The following RASAL2 variants were observed in gnomAD, a reference collection of about 807,000 sequenced individuals.
The protein encoded by RASAL2 is ras GTPase-activating protein nGAP.
A neutral mutation model predicts 128.9 loss-of-function variants in RASAL2; 58 were observed. That is an observed-to-expected ratio of 0.45 (90% CI 0.36 to 0.56). The LOEUF is 0.56. Among genes scored for constraint, RASAL2 ranks in the 20% least tolerant of loss-of-function variants. The probability of loss-of-function intolerance (pLI) is 0.00; values close to 1 mark genes in which losing one functional copy is unlikely to be tolerated. For missense variants in RASAL2, 1,360 were observed against 1,601.6 expected (o/e 0.85, Z 2.57); for synonymous variants, 561 against 580.8 (o/e 0.97, Z 0.49).
At chr1:178,110,015 C>T (rs1403360569) in intron 1 of RASAL2, among the ~76,000 whole-genome samples, 2 of 152,124 alleles carry the variant, frequency 1.3e-5, no homozygotes, top group Admixed American at 6.6e-5. Context: ...GAGACACCAT[C>T]TCTAAAGCAA....
intron 1 of RASAL2, among the ~76,000 whole-genome samples, chr1:178,175,857 G>A (rs1303514124): frequency 6.6e-6 from 1 of 152,108 alleles, no homozygotes; most frequent in African/African-American, 2.4e-5. Flanking sequence ...TTTCATCCAA[G>A]TTGTTGCAAA....
intron 3 of RASAL2, among the ~76,000 whole-genome samples, chr1:178,333,303 AG>A (rs1469304286): frequency 6.6e-6 from 1 of 152,234 alleles, no homozygotes; most frequent in East Asian, 1.9e-4. Context: ...CTGGGATTAC[AG>A]GCGTAAGCCA....
chr1:178,469,619 G>A (rs1220515218), intron 17 of RASAL2, among the ~76,000 whole-genome samples: 1 of 152,166 alleles, frequency 6.6e-6, no homozygotes, highest in East Asian at 1.9e-4. Flanking sequence ...TCAGACTGGT[G>A]GTCTGCTAAG....
At chr1:178,182,041 C>A (rs1166651924) in intron 1 of RASAL2, among the ~76,000 whole-genome samples, 2 of 152,116 alleles carry the variant, frequency 1.3e-5, no homozygotes, top group Admixed American at 6.5e-5. Context: ...TTATATTCCA[C>A]CTCCTTGAGG....
At chr1:178,098,118 CTA>C (rs1477060347) in intron 1 of RASAL2, among the ~76,000 whole-genome samples, 1 of 152,150 alleles carries the variant, frequency 6.6e-6, no homozygotes, top group Non-Finnish European at 1.5e-5. Flanking sequence ...CTTGTCAAGA[CTA>C]TAAAATTTTT....
intron 1 of RASAL2, among the ~76,000 whole-genome samples, chr1:178,223,605 T>C (rs1241793203): frequency 1.3e-5 from 2 of 152,154 alleles, no homozygotes; most frequent in African/African-American, 4.8e-5. Context: ...TGGGAAACCA[T>C]TGAATAGTTC....
In RASAL2 at chr1:178,283,636, G is replaced by C; in HGVS notation, c.275G>C (p.Arg92Pro). 1 of 1,613,842 alleles carries C rather than the reference G, an allele frequency of 6.2e-7. No individual in the cohort carries two copies. The change falls in exon 2 of 18, where the codon CGG becomes CCG. Residue 92 changes from arginine to proline, a missense_variant. This residue lies in a region of RASAL2 where 617 missense variants were observed against 714.2 expected (regional missense o/e 0.86). Transcript: ENST00000367649. ...TACACCGAGACAACAACGTGGGAGC[G>C]GAAGTATTGCATCCTCACAGACAGC... ...SPYTETTTWERKYCILTDSQL... is the reference protein window; with the variant it reads ...SPYTETTTWEPKYCILTDSQL...
At chr1:178,175,170 A>G (rs754604608) in intron 1 of RASAL2, among the ~76,000 whole-genome samples, 3 of 152,162 alleles carry the variant, frequency 2.0e-5, no homozygotes, top group Admixed American at 6.6e-5. Flanking sequence ...TTTCATTGCC[A>G]TGATTTTGAC....
At chr1:178,325,752 T>C (rs141384826) in intron 3 of RASAL2, among the ~76,000 whole-genome samples, 10 of 152,170 alleles carry the variant, frequency 6.6e-5, no homozygotes, top group African/African-American at 2.2e-4. Flanking sequence ...ACTGATACAG[T>C]ATAGAGTTAC....
At position 178,288,959 on chromosome 1, in the gene RASAL2, C is replaced by T. The variant is rs372750440; in HGVS notation, c.330+5268C>T. On this transcript the variant is annotated intron_variant, in intron 2 of 17. Transcript: ENST00000367649. ...AGCCACTGAGCCCAGCTTTTTTTCT[C>T]ATCTGAAAAAAACAAAGCCTGTATT... Among the ~76,000 whole-genome samples, 5 of 151,896 alleles carry T rather than the reference C, an allele frequency of 3.3e-5. No homozygotes were observed. In the South Asian group the frequency reaches 1.0e-3, roughly 32 times the overall value.
intron 4 of RASAL2, among the ~76,000 whole-genome samples, chr1:178,390,532 T>C (rs1381724142): frequency 6.6e-6 from 1 of 151,836 alleles, no homozygotes; most frequent in Non-Finnish European, 1.5e-5. Flanking sequence ...GCGCATACCA[T>C]CATGCCTGGC....
chr1:178,424,112 T>C (rs1446730163), intron 5 of RASAL2, among the ~76,000 whole-genome samples: 1 of 152,172 alleles, frequency 6.6e-6, no homozygotes, highest in African/African-American at 2.4e-5. Flanking sequence ...ACTCTGCAAA[T>C]TACTTTATTT....
chr1:178,323,790 C>T (rs1668902575), intron 3 of RASAL2, among the ~76,000 whole-genome samples: 1 of 151,886 alleles, frequency 6.6e-6, no homozygotes, highest in African/African-American at 2.4e-5. Flanking sequence ...CCATTTTATC[C>T]TTTTTGCTGC....
intron 1 of RASAL2, among the ~76,000 whole-genome samples, chr1:178,261,017 T>C (rs530961802): frequency 7.9e-5 from 12 of 152,200 alleles, no homozygotes; most frequent in Non-Finnish European, 1.6e-4. Context: ...TGAGATGCAG[T>C]AAGGAGAAGA....
intron 1 of RASAL2, among the ~76,000 whole-genome samples, chr1:178,220,542 A>G (rs369717284): frequency 2.6e-5 from 4 of 152,362 alleles, no homozygotes; most frequent in African/African-American, 9.6e-5. Flanking sequence ...AAGCGAGCAC[A>G]TGCTGCTGGA....
At chr1:178,339,479 A>G (rs1399574854) in intron 3 of RASAL2, among the ~76,000 whole-genome samples, 1 of 152,196 alleles carries the variant, frequency 6.6e-6, no homozygotes. Context: ...TTCACTATTT[A>G]GCCATGAGCT....
chr1:178,311,138 A>T (rs540481807), intron 3 of RASAL2, among the ~76,000 whole-genome samples: 19 of 152,144 alleles, frequency 1.2e-4, no homozygotes, highest in African/African-American at 4.1e-4. Flanking sequence ...ACAAGCATCT[A>T]ATTATACTCC....
intron 3 of RASAL2, among the ~76,000 whole-genome samples, chr1:178,351,103 C>A (rs1394913502): frequency 2.6e-5 from 4 of 152,124 alleles, no homozygotes; most frequent in African/African-American, 9.7e-5. Flanking sequence ...AACTCACTAT[C>A]CTGATGACAG....
At chr1:178,149,005 C>CCCCTTCCCTCCCTTCTTTTT (rs1660821918) in intron 1 of RASAL2, among the ~76,000 whole-genome samples, 3 of 152,112 alleles carry the variant, frequency 2.0e-5, no homozygotes, top group Non-Finnish European at 4.4e-5. Flanking sequence ...CCTCTCTTTT[C>CCCCTTCCCTCCCTTCTTTTT]CCCTTCCCTC....
Sources: allele counts gnomAD v4.1 joint callset (sites outside exome capture counted in the v4.1 genomes callset), GRCh38; gene constraint gnomAD v4.1.1; regional missense constraint gnomAD v4.1.1; transcripts MANE v1.5; gene names NCBI Gene and HGNC (gene_info 2026-07-23, HGNC 2026-07-21).